Variants in PLEKHM3 observed in about 807,000 individuals in gnomAD.
The protein encoded by PLEKHM3 is pleckstrin homology domain containing M3.
PLEKHM3 carries 45 observed loss-of-function variants against 81.8 expected under a neutral mutation model. The ratio of observed to expected loss-of-function variants is 0.55; its 90% CI spans 0.43 to 0.71. The LOEUF is 0.71. Ranked by LOEUF, PLEKHM3 falls within the 30% of genes least tolerant of loss-of-function variation. The pLI, the probability that PLEKHM3 is intolerant of heterozygous loss-of-function variation, is 0.00. For missense variants in PLEKHM3, 788 were observed against 924.3 expected (o/e 0.85, Z 1.91); for synonymous variants, 352 against 356.4 (o/e 0.99, Z 0.14).
At chr2:207,880,823 AC>A (rs1169740566) in intron 6 of PLEKHM3, among the ~76,000 whole-genome samples, 10 of 145,820 alleles carry the variant, frequency 6.9e-5, no homozygotes, top group Admixed American at 5.5e-4. Context: ...AAACAAAAAA[AC>A]AAATAAAAAA....
chr2:207,958,230 T>A (rs1033622534), intron 3 of PLEKHM3, among the ~76,000 whole-genome samples: 2 of 152,074 alleles, frequency 1.3e-5, no homozygotes, highest in Admixed American at 1.3e-4. Context: ...ATTAGTGTCA[T>A]GAAAAAGAGG....
rs1038004653 is a variant in PLEKHM3, at chr2:207,942,024, A to T, written c.1692+4343T>A. ...GAATGCTCAGACACTATTAGTGGGA[A>T]TGTAAATTAGTACAGCCACTGTGGA... On this transcript the variant is annotated intron_variant, in intron 4 of 7. Coordinates refer to ENST00000427836, the MANE Select transcript of PLEKHM3 (RefSeq NM_001080475.3). Among the ~76,000 whole-genome samples, 47 of 152,226 alleles carry T rather than the reference A, an allele frequency of 3.1e-4. 1 individual carries two copies. The highest frequency in any genetic ancestry group is 2.6e-3 in the Admixed American group (39 of 15,280).
At chr2:207,965,942 C>T (rs1690895585) in intron 3 of PLEKHM3, among the ~76,000 whole-genome samples, 1 of 152,196 alleles carries the variant, frequency 6.6e-6, no homozygotes, top group South Asian at 2.1e-4. Flanking sequence ...CTCTAACCCT[C>T]TATAGACATT....
chr2:207,927,578 C>T (rs1233244216), intron 5 of PLEKHM3, among the ~76,000 whole-genome samples: 1 of 150,510 alleles, frequency 6.6e-6, no homozygotes, highest in African/African-American at 2.5e-5. Context: ...ACCTATAATC[C>T]CAGCACTTTG....
intron 6 of PLEKHM3, among the ~76,000 whole-genome samples, chr2:207,884,855 A>G (rs557711562): frequency 8.5e-5 from 13 of 152,376 alleles, no homozygotes; most frequent in African/African-American, 2.9e-4. Flanking sequence ...CCAAGGGAAC[A>G]GATGATATTA....
At chr2:207,840,797 A>AT (rs1234865200) in intron 7 of PLEKHM3, among the ~76,000 whole-genome samples, 7 of 110,238 alleles carry the variant, frequency 6.3e-5, no homozygotes, top group African/African-American at 1.1e-4. Context: ...AACACTTTTT[A>AT]TGTTTTTTTT....
intron 1 of PLEKHM3, among the ~76,000 whole-genome samples, chr2:208,004,499 A>G (rs1214666173): frequency 6.6e-6 from 1 of 152,164 alleles, no homozygotes; most frequent in Non-Finnish European, 1.5e-5. Flanking sequence ...CTAAAGCCAT[A>G]GACTGTTAGA....
At chr2:207,838,642 G>A (rs2092333378) in intron 7 of PLEKHM3, among the ~76,000 whole-genome samples, 1 of 152,104 alleles carries the variant, frequency 6.6e-6, no homozygotes, top group Non-Finnish European at 1.5e-5. Flanking sequence ...TGATGAAACA[G>A]TTTTCTTGGG....
At chr2:207,893,313 C>T (rs1225895840) in intron 6 of PLEKHM3, among the ~76,000 whole-genome samples, 1 of 152,198 alleles carries the variant, frequency 6.6e-6, no homozygotes, top group Non-Finnish European at 1.5e-5. Context: ...GAACACCCTT[C>T]CTTCTTTGGG....
chr2:207,968,523 C>A (rs954546457), intron 3 of PLEKHM3, among the ~76,000 whole-genome samples: 1 of 152,178 alleles, frequency 6.6e-6, no homozygotes, highest in Non-Finnish European at 1.5e-5. Context: ...CCATCCCATT[C>A]TTCAGCTCAT....
intron 7 of PLEKHM3, among the ~76,000 whole-genome samples, chr2:207,829,502 CTT>C (rs2092272676): frequency 6.6e-6 from 1 of 152,176 alleles, no homozygotes; most frequent in Middle Eastern, 3.2e-3. Flanking sequence ...GTCTGGAACT[CTT>C]GACCTCAGGT....
chr2:208,001,278 T>C lies in PLEKHM3; in HGVS notation c.362A>G (p.Asn121Ser). ...QKEASTFNFF[N>S]ICQRRRDRPR... The stretch of plus-strand genomic sequence containing the variant: ...CCGGTCCCTCCGACGCTGACAGATA[T>C]TGAAGAAATTAAAGGTTGATGCTTC... Residue 121 changes from asparagine to serine, a missense_variant, in exon 2 of 8, where the codon AAT (asparagine) becomes AGT (serine). Transcript: ENST00000427836. The C allele has an allele frequency of 1.9e-6, 3 of 1,614,190 alleles. No homozygotes were observed. Among genetic ancestry groups the C allele is most frequent in the African/African-American group, 1.3e-5 (1 of 75,056 alleles).
chr2:207,956,717 A>ATTTTTT (rs1690523988), intron 3 of PLEKHM3, among the ~76,000 whole-genome samples: 13 of 77,672 alleles, frequency 1.7e-4, no homozygotes, highest in Non-Finnish European at 3.4e-4. Flanking sequence ...GGCTGATTAA[A>ATTTTTT]ATTTTTTTTT....
intron 6 of PLEKHM3, among the ~76,000 whole-genome samples, chr2:207,897,105 G>T (rs948340817): frequency 1.3e-5 from 2 of 152,158 alleles, no homozygotes; most frequent in African/African-American, 4.8e-5. Context: ...CACTGGGGAG[G>T]TCTGGTCTAG....
At chr2:208,000,949 T>G in intron 2 of PLEKHM3, 81 bp downstream of exon 2, 1 of 1,238,112 alleles carries the variant, frequency 8.1e-7, no homozygotes, top group Non-Finnish European at 1.1e-6. Flanking sequence ...AAGTCAGATA[T>G]AAAAACATAC....
chr2:207,836,330 A>G (rs1363991397), intron 7 of PLEKHM3, among the ~76,000 whole-genome samples: 1 of 151,844 alleles, frequency 6.6e-6, no homozygotes, highest in East Asian at 1.9e-4. Context: ...AAAAAAAAAA[A>G]AAAAAAGCAC....
chr2:207,930,776 C>T, intron 5 of PLEKHM3, 150 bp downstream of exon 5: 1 of 822,976 alleles, frequency 1.2e-6, no homozygotes, highest in South Asian at 1.8e-5. Context: ...AAAGATGAGC[C>T]CAGAGAGAGG....
chr2:208,016,670 T>TACACACACACACAC lies in PLEKHM3; in HGVS notation c.-319+8705_-319+8718dup, dbSNP rs370576889. 1.4e-3 allele frequency among the ~76,000 whole-genome samples: 94 copies of TACACACACACACAC among 65,034 alleles called. 1 individual carries two copies. The highest frequency in any genetic ancestry group is 8.2e-3 in the Middle Eastern group (1 of 122). The allele number at this position is 65,034 out of a possible 152,430, so 42.7% of individuals were successfully genotyped here. ...GTCTCAAAAAAAAAAAAAAAAAAAA[T>TACACACACACACAC]ACACACACACACACACACACACACA... On this transcript the variant is annotated intron_variant, in intron 1 of 7. Transcript: ENST00000427836.
chr2:207,838,620 T>C (rs568793079), intron 7 of PLEKHM3, among the ~76,000 whole-genome samples: 4 of 152,312 alleles, frequency 2.6e-5, no homozygotes, highest in Non-Finnish European at 4.4e-5. Context: ...AAAATTATAA[T>C]AGATTTGACC....
Sources: allele counts gnomAD v4.1 joint callset (sites outside exome capture counted in the v4.1 genomes callset), GRCh38; gene constraint gnomAD v4.1.1; transcripts MANE v1.5; gene names NCBI Gene and HGNC (gene_info 2026-07-23, HGNC 2026-07-21).